LRRC69: variants seen among roughly 807,000 people sequenced by gnomAD.
The protein encoded by LRRC69 is leucine rich repeat containing 69, also known as leucine-rich repeat-containing protein 69.
LRRC69 carries 42 observed loss-of-function variants against 37.8 expected under a neutral mutation model. The ratio of observed to expected loss-of-function variants is 1.11; its 90% CI spans 0.87 to 1.44. The LOEUF (loss-of-function observed/expected upper bound fraction) is 1.44, where lower values mean the gene tolerates loss of function less well. LRRC69 is among the 40% of genes most tolerant of loss of function. The pLI is 0.00. For missense variants in LRRC69, 357 were observed against 401.9 expected, an observed-to-expected ratio of 0.89 and a Z score of 0.96; for synonymous variants, 141 against 143.1, an observed-to-expected ratio of 0.99 and a Z score of 0.11.
chr8:91,114,742 A>G (rs1563593602), intron 1 of LRRC69, among the ~76,000 whole-genome samples: 1 of 152,028 alleles, frequency 6.6e-6, no homozygotes, highest in Non-Finnish European at 1.5e-5. Flanking sequence ...GGCTTATACC[A>G]TCTAGGTTAG....
chr8:91,160,003 C>T (rs1050175243), intron 5 of LRRC69, among the ~76,000 whole-genome samples: 1 of 151,126 alleles, frequency 6.6e-6, no homozygotes, highest in Admixed American at 6.6e-5. Flanking sequence ...AATATGAATT[C>T]TTCCAATCCA....
At chr8:91,125,014 A>C (rs935544264) in intron 2 of LRRC69, among the ~76,000 whole-genome samples, 1 of 151,882 alleles carries the variant, frequency 6.6e-6, no homozygotes, top group Non-Finnish European at 1.5e-5. Flanking sequence ...CTTTTTGATC[A>C]AGATGCTAAA....
chr8:91,114,455 G>GTGTGTGTGTGTGTGTA (rs142337818), intron 1 of LRRC69, among the ~76,000 whole-genome samples: 9 of 151,086 alleles, frequency 6.0e-5, no homozygotes, highest in Middle Eastern at 3.4e-3. Flanking sequence ...GTGTGTGTGT[G>GTGTGTGTGTGTGTGTA]TATATATATA....
chr8:91,103,729 TAAGAA>T (rs1213649934), intron 1 of LRRC69, among the ~76,000 whole-genome samples: 10 of 152,094 alleles, frequency 6.6e-5, no homozygotes, highest in Non-Finnish European at 1.5e-4. Context: ...TGTATCTTTA[TAAGAA>T]ATAGGGTAAC....
At chr8:91,142,710 A>G (rs1808551273) in intron 5 of LRRC69, among the ~76,000 whole-genome samples, 1 of 151,968 alleles carries the variant, frequency 6.6e-6, no homozygotes. Context: ...CACTTGGAAA[A>G]CCATTGGCCT....
At chr8:91,205,768 A>T (rs1167241481) in intron 7 of LRRC69, among the ~76,000 whole-genome samples, 1 of 152,174 alleles carries the variant, frequency 6.6e-6, no homozygotes, top group African/African-American at 2.4e-5. Context: ...AGACAAAAAA[A>T]TAAAAGTGGA....
At chr8:91,141,342 T>C (rs1808530129) in intron 5 of LRRC69, among the ~76,000 whole-genome samples, 1 of 152,114 alleles carries the variant, frequency 6.6e-6, no homozygotes, top group Admixed American at 6.6e-5. Context: ...CTCTAATCCA[T>C]ATGACCTCAT....
chr8:91,125,591 A>C (rs1477833221), intron 2 of LRRC69, among the ~76,000 whole-genome samples: 1 of 151,870 alleles, frequency 6.6e-6, no homozygotes, highest in African/African-American at 2.4e-5. Context: ...AGTTTACACT[A>C]AAAAAGTTAA....
At chr8:91,137,391 C>G (rs188413912) in intron 5 of LRRC69, among the ~76,000 whole-genome samples, 311 of 152,048 alleles carry the variant, frequency 2.0e-3, no homozygotes, top group African/African-American at 6.9e-3. Context: ...TCAAGTCTTT[C>G]TTGCTTTTGG....
intron 7 of LRRC69, among the ~76,000 whole-genome samples, chr8:91,204,770 A>G (rs1011556978): frequency 1.3e-4 from 20 of 152,228 alleles, no homozygotes; most frequent in African/African-American, 4.8e-4. Context: ...GATCATCACT[A>G]CTTAGGTTCA....
intron 5 of LRRC69, chr8:91,158,235 A>T (rs1808871166): frequency 5.1e-5 from 81 of 1,584,478 alleles, no homozygotes; most frequent in Non-Finnish European, 6.9e-5. Flanking sequence ...CAAGTTAAGG[A>T]TCTCTACAGT....
chr8:91,134,993 G>A (rs1813884256), intron 4 of LRRC69, among the ~76,000 whole-genome samples: 1 of 152,054 alleles, frequency 6.6e-6, no homozygotes, highest in Non-Finnish European at 1.5e-5. Flanking sequence ...AATAGTGGCA[G>A]TCATGGCAGC....
At chr8:91,154,223 A>G (rs1808792583) in intron 5 of LRRC69, among the ~76,000 whole-genome samples, 1 of 151,690 alleles carries the variant, frequency 6.6e-6, no homozygotes, top group Non-Finnish European at 1.5e-5. Flanking sequence ...GCAGGAATAA[A>G]TAACCTACCA....
chr8:91,176,945 GTAAA>G (rs1484470975), intron 5 of LRRC69, among the ~76,000 whole-genome samples: 6 of 151,706 alleles, frequency 4.0e-5, no homozygotes, highest in African/African-American at 1.5e-4. Context: ...AATCATTACA[GTAAA>G]TAAGTTTAAA....
intron 6 of LRRC69, among the ~76,000 whole-genome samples, chr8:91,198,951 T>C (rs1436028904): frequency 6.6e-6 from 1 of 152,086 alleles, no homozygotes; most frequent in Non-Finnish European, 1.5e-5. Flanking sequence ...AAAAGAAAAA[T>C]ATAAATAATA....
At chr8:91,195,556 A>G (rs1586279538) in intron 6 of LRRC69, among the ~76,000 whole-genome samples, 5 of 150,136 alleles carry the variant, frequency 3.3e-5, no homozygotes, top group African/African-American at 1.2e-4. Context: ...TATTTAGGAT[A>G]GTTAGCTCTT....
chr8:91,114,406 C>T (rs904657810), intron 1 of LRRC69, among the ~76,000 whole-genome samples: 2 of 151,572 alleles, frequency 1.3e-5, no homozygotes, highest in Non-Finnish European at 2.9e-5. Context: ...ACCAAAATGT[C>T]CATCAATGGA....
At chr8:91,200,725 G>C (rs368214508) in exon 7 of LRRC69, 1 of 1,538,410 alleles carries the variant, frequency 6.5e-7, no homozygotes. Context: ...GGAAAAACAT[G>C]TGCAATATGT....
At chr8:91,188,991 A>AT (rs1366225668) in intron 5 of LRRC69, among the ~76,000 whole-genome samples, 11 of 151,898 alleles carry the variant, frequency 7.2e-5, no homozygotes, top group African/African-American at 2.7e-4. Flanking sequence ...CACCTGGCTA[A>AT]TTTTTGTATT....
Sources: allele counts gnomAD v4.1 joint callset (sites outside exome capture counted in the v4.1 genomes callset), GRCh38; gene constraint gnomAD v4.1.1; transcripts MANE v1.5; gene names NCBI Gene and HGNC (gene_info 2026-07-23, HGNC 2026-07-21).